SHROOM2: variants seen among roughly 807,000 people sequenced by gnomAD.
The protein encoded by SHROOM2 is shroom family member 2.
In SHROOM2, 33 loss-of-function variants were observed where a neutral mutation model predicts 75.9. That is an observed-to-expected ratio of 0.43 (90% CI 0.33 to 0.58). SHROOM2 has a LOEUF of 0.58. Among genes scored for constraint, SHROOM2 ranks in the 20% least tolerant of loss-of-function variants. SHROOM2 has a pLI of 0.04. For synonymous variants in SHROOM2, 655 were observed against 663.6 expected (o/e 0.99, Z 0.20); for missense variants, 1,434 against 1,461.2 (o/e 0.98, Z 0.30).
rs754115403 is a variant in SHROOM2 at position 9,788,004 on chromosome X, T to C, written c.165+1294T>C. 7.4e-5 allele frequency among the ~76,000 whole-genome samples: 7 copies of C among 94,132 alleles called. No individual in the cohort carries two copies. In the East Asian group the frequency reaches 8.8e-4, roughly 12 times the overall value. 81.7% of individuals were successfully genotyped at this position (94,132 alleles called of 115,157 possible). A position where few individuals can be genotyped will look rare whatever the true frequency, so the allele number is the denominator to read the frequency against. On this transcript the variant is annotated intron_variant, in intron 1 of 9. Transcript: ENST00000380913. ...TTCTTTCTTTCTTCTTTTTTTTTTT[T>C]GAGACAGGGTCTTGTTCTGTCAGCC...
intron 1 of SHROOM2, among the ~76,000 whole-genome samples, chrX:9,826,865 G>A (rs1034150307): frequency 8.9e-6 from 1 of 112,903 alleles, no homozygotes; most frequent in African/African-American, 3.2e-5. Flanking sequence ...TTGGGAAAAT[G>A]CACCAAGGCT....
chrX:9,877,973 G>A (rs2084210382), intron 2 of SHROOM2, among the ~76,000 whole-genome samples: 1 of 111,572 alleles, frequency 9.0e-6, no homozygotes, highest in Non-Finnish European at 1.9e-5. Flanking sequence ...TCTGAAATCT[G>A]CGTTAACAGC....
chrX:9,792,081 G>C (rs1601906270), intron 1 of SHROOM2, among the ~76,000 whole-genome samples: 1 of 10,346 alleles, frequency 9.7e-5, no homozygotes, highest in Admixed American at 1.9e-3. Flanking sequence ...GAATAGAATA[G>C]AATAGAATAG....
chrX:9,911,414 G>A (rs1178632387), intron 5 of SHROOM2, among the ~76,000 whole-genome samples: 2 of 112,655 alleles, frequency 1.8e-5, no homozygotes, highest in Non-Finnish European at 3.7e-5. Context: ...AGCAGCATAT[G>A]TTATTTGGAG....
chrX:9,806,660 A>G (rs2083754715), intron 1 of SHROOM2, among the ~76,000 whole-genome samples: 1 of 90,828 alleles, frequency 1.1e-5, no homozygotes, highest in Admixed American at 1.3e-4. Flanking sequence ...CAGTGTATAT[A>G]TATGTGTGTG....
In SHROOM2 at chrX:9,873,796, G is replaced by A. The variant is rs1371739815; in HGVS notation, c.310G>A (p.Val104Ile). The change falls in exon 2 of 10, where the codon GTC becomes ATC. Residue 104 changes from valine (V) to isoleucine (I), a missense_variant. Physicochemically the swap from Val to Ile is conservative, Grantham distance 29 (BLOSUM62 3). Coordinates refer to ENST00000380913, the MANE Select transcript of SHROOM2 (RefSeq NM_001649.4). ...KGSHKTLKLV[V>I]KRRSELGWRP... ...GTCCCATAAGACCCTGAAGCTGGTC[G>A]TCAAAAGGTAAGATCTGAGCTTCCT... The A allele has an allele frequency of 1.7e-6, 2 of 1,210,772 alleles. No homozygotes were observed. Among genetic ancestry groups the A allele is most frequent in the Admixed American group, 2.2e-5 (1 of 45,912 alleles).
intron 1 of SHROOM2, among the ~76,000 whole-genome samples, chrX:9,852,443 T>C (rs2084045943): frequency 8.9e-6 from 1 of 112,218 alleles, no homozygotes; most frequent in African/African-American, 3.2e-5. Flanking sequence ...TTAGTTCTTA[T>C]TGCCATCACC....
At chrX:9,904,363 T>C (rs2084380410) in intron 5 of SHROOM2, among the ~76,000 whole-genome samples, 1 of 111,359 alleles carries the variant, frequency 9.0e-6, no homozygotes, top group African/African-American at 3.3e-5. Flanking sequence ...CTACAAAAAA[T>C]ACAACAGTTG....
intron 2 of SHROOM2, among the ~76,000 whole-genome samples, chrX:9,884,279 A>C (rs1312481830): frequency 9.0e-6 from 1 of 110,699 alleles, no homozygotes; most frequent in Non-Finnish European, 1.9e-5. Flanking sequence ...CACGAAACAC[A>C]AACTATTTGT....
intron 1 of SHROOM2, among the ~76,000 whole-genome samples, chrX:9,864,858 A>T (rs2084126220): frequency 9.1e-6 from 1 of 110,034 alleles, no homozygotes; most frequent in African/African-American, 3.3e-5. Context: ...ATAAATAAAT[A>T]AAAAATTAGC....
intron 5 of SHROOM2, among the ~76,000 whole-genome samples, chrX:9,930,896 C>T (rs1166746624): frequency 5.5e-5 from 6 of 109,912 alleles, no homozygotes; most frequent in African/African-American, 2.0e-4. Context: ...GTACACGCCA[C>T]CATGCCCGGC....
intron 1 of SHROOM2, among the ~76,000 whole-genome samples, chrX:9,799,157 C>CTTT (rs58508176): frequency 0.014 from 861 of 61,321 alleles, 188 homozygotes; most frequent in African/African-American, 0.045. Context: ...GAGTTTAATT[C>CTTT]TTTTTTTTTT....
intron 2 of SHROOM2, among the ~76,000 whole-genome samples, chrX:9,877,913 C>T (rs1475898369): frequency 2.7e-5 from 3 of 111,246 alleles, no homozygotes; most frequent in Non-Finnish European, 5.7e-5. Context: ...TGGGCTCATC[C>T]TATCCACTCG....
At chrX:9,882,295 T>C (rs1293722556) in intron 2 of SHROOM2, among the ~76,000 whole-genome samples, 2 of 107,868 alleles carry the variant, frequency 1.9e-5, no homozygotes, top group African/African-American at 6.8e-5. Context: ...CTTAGGGCTA[T>C]ATAAAACGAG....
intron 1 of SHROOM2, among the ~76,000 whole-genome samples, chrX:9,849,921 G>A (rs1339392657): frequency 8.9e-6 from 1 of 112,324 alleles, no homozygotes; most frequent in Non-Finnish European, 1.9e-5. Flanking sequence ...GCCTGTTGCT[G>A]TACAGTTTTT....
chrX:9,921,494 T>G (rs1284840933), intron 5 of SHROOM2, among the ~76,000 whole-genome samples: 3 of 110,767 alleles, frequency 2.7e-5, no homozygotes, highest in Admixed American at 1.9e-4. Flanking sequence ...ATCTACCCCC[T>G]TAGCAAATTT....
chrX:9,814,459 G>A (rs1601921819), intron 1 of SHROOM2, among the ~76,000 whole-genome samples: 4 of 110,870 alleles, frequency 3.6e-5, no homozygotes, highest in African/African-American at 9.9e-5. Context: ...CGAGTGTAGC[G>A]CACCTCCTCA....
chrX:9,925,637 C>A (rs1225109198), intron 5 of SHROOM2, among the ~76,000 whole-genome samples: 2 of 112,520 alleles, frequency 1.8e-5, no homozygotes, highest in Admixed American at 9.4e-5. Context: ...GCACACAGTT[C>A]CGGTCCCAGA....
intron 6 of SHROOM2, among the ~76,000 whole-genome samples, chrX:9,935,133 T>C (rs1326406154): frequency 9.0e-6 from 1 of 110,592 alleles, no homozygotes; most frequent in Non-Finnish European, 1.9e-5. Context: ...AATTTGTTTC[T>C]ATTGTGCACA....
Sources: gnomAD v4.1 joint callset for allele counts (sites outside exome capture counted in the v4.1 genomes callset) on GRCh38, gnomAD v4.1.1 for gene constraint, MANE v1.5 for transcripts, NCBI Gene and HGNC (gene_info 2026-07-23, HGNC 2026-07-21) for gene names.